Variants in ADAD1 observed in about 807,000 individuals in gnomAD.
ADAD1 encodes the protein adenosine deaminase domain-containing protein 1.
In ADAD1, 46 loss-of-function variants were observed where a neutral mutation model predicts 66.8. The observed-to-expected ratio is 0.69, with a 90% CI of 0.54 to 0.88. The LOEUF (loss-of-function observed/expected upper bound fraction) is 0.88, where lower values mean the gene tolerates loss of function less well. Among genes scored for constraint, ADAD1 ranks in the 40% least tolerant of loss-of-function variants. ADAD1 has a pLI of 0.00. For missense variants in ADAD1, 617 were observed against 681.8 expected, an observed-to-expected ratio of 0.91 and a Z score of 1.06; for synonymous variants, 248 against 229.4, an observed-to-expected ratio of 1.08 and a Z score of -0.73.
In ADAD1 at chr4:122,396,247, T is replaced by G. The variant is rs1795707680; in HGVS notation, c.599-5T>G. On this transcript the variant is annotated splice_polypyrimidine_tract_variant and splice_region_variant and intron_variant, in intron 6 of 12. Coordinates refer to ENST00000296513, the MANE Select transcript of ADAD1 (RefSeq NM_139243.4). ...CTTGAAATTTATGTTTTGATTTTTT[T>G]CTAGAAGGGAGACATATTCAATATG... 1 of 1,568,458 alleles carries G rather than the reference T, an allele frequency of 6.4e-7. No homozygotes were observed. The highest frequency in any genetic ancestry group is 8.6e-7 in the Non-Finnish European group (1 of 1,162,428).
intron 11 of ADAD1, among the ~76,000 whole-genome samples, chr4:122,418,371 G>A (rs566701789): frequency 1.2e-4 from 17 of 145,734 alleles, no homozygotes; most frequent in South Asian, 4.5e-4. Context: ...GTGCAGTGGC[G>A]CGATATCGGC....
intron 1 of ADAD1, 128 bp downstream of exon 1, chr4:122,379,243 G>A (rs550310901): frequency 1.3e-5 from 2 of 152,640 alleles, no homozygotes; most frequent in Middle Eastern, 3.4e-3. Flanking sequence ...TAAGGGAGGA[G>A]GCTGAACTGC....
At chr4:122,403,402 G>A (rs963448673) in intron 7 of ADAD1, among the ~76,000 whole-genome samples, 1 of 152,206 alleles carries the variant, frequency 6.6e-6, no homozygotes, top group African/African-American at 2.4e-5. Flanking sequence ...TGGCAGGGTA[G>A]CGAAGTGGAC....
intron 7 of ADAD1, among the ~76,000 whole-genome samples, chr4:122,397,778 G>A (rs573765307): frequency 4.6e-5 from 7 of 152,270 alleles, no homozygotes; most frequent in Non-Finnish European, 7.4e-5. Flanking sequence ...TAAAGTTGAC[G>A]TAGGATAATC....
At chr4:122,386,315 CAT>C (rs1426647229) in intron 5 of ADAD1, among the ~76,000 whole-genome samples, 3 of 152,130 alleles carry the variant, frequency 2.0e-5, no homozygotes, top group Non-Finnish European at 2.9e-5. Context: ...TTGCTTTTTT[CAT>C]ATGTTTGTTG....
chr4:122,414,833 T>G (rs2150586888), intron 10 of ADAD1, among the ~76,000 whole-genome samples: 1 of 152,280 alleles, frequency 6.6e-6, no homozygotes, highest in African/African-American at 2.4e-5. Context: ...CTTCAATAAT[T>G]ATTATAACTG....
At position 122,391,350 on chromosome 4, in the gene ADAD1, G is replaced by A. The variant is rs557579872; in HGVS notation, c.530-2239G>A. Reference sequence around the variant, plus strand: ...AATGTCTCACCCAGTTGGGTGGCACGGGGAGCAGGACCCGCTTAACAAGGC... The same window carrying A: ...AATGTCTCACCCAGTTGGGTGGCACAGGGAGCAGGACCCGCTTAACAAGGC... On this transcript the variant is annotated intron_variant, in intron 5 of 12. Transcript: ENST00000296513. Among the ~76,000 whole-genome samples, 5 of 152,306 alleles carry A rather than the reference G, an allele frequency of 3.3e-5. No homozygotes were observed. The East Asian group carries it at 7.7e-4, about 24-fold the overall frequency.
At chr4:122,402,841 A>G (rs1293146755) in intron 7 of ADAD1, among the ~76,000 whole-genome samples, 1 of 152,112 alleles carries the variant, frequency 6.6e-6, no homozygotes, top group Non-Finnish European at 1.5e-5. Flanking sequence ...TCCAGAAGTC[A>G]TGATTTTATT....
chr4:122,427,523 CT>C (rs59864757), intron 12 of ADAD1, among the ~76,000 whole-genome samples: 13 of 71,976 alleles, frequency 1.8e-4, no homozygotes, highest in African/African-American at 6.8e-4. Flanking sequence ...ATCCAAAGGC[CT>C]TTTTTTTTTT....
At chr4:122,425,803 C>T (rs906048544) in intron 12 of ADAD1, among the ~76,000 whole-genome samples, 1 of 151,736 alleles carries the variant, frequency 6.6e-6, no homozygotes, top group Admixed American at 6.6e-5. Context: ...TTCGGTATTT[C>T]TAGGGGGTCC....
chr4:122,424,198 T>C (rs898204094), intron 12 of ADAD1, among the ~76,000 whole-genome samples: 6 of 152,168 alleles, frequency 3.9e-5, no homozygotes, highest in Non-Finnish European at 7.4e-5. Context: ...TTAGCAGTAC[T>C]TCCCTAAATG....
chr4:122,394,050 G>A (rs993801420), intron 6 of ADAD1, among the ~76,000 whole-genome samples: 1 of 152,106 alleles, frequency 6.6e-6, no homozygotes, highest in Non-Finnish European at 1.5e-5. Flanking sequence ...TCAAGCCCGA[G>A]AAAGCTGCAA....
At chr4:122,379,571 G>A (rs1794776006) in intron 2 of ADAD1, 126 bp downstream of exon 2, 2 of 155,022 alleles carry the variant, frequency 1.3e-5, no homozygotes, top group Admixed American at 6.3e-5. Context: ...TGAAGCGAGA[G>A]GTTGAGGCTG....
chr4:122,416,527 G>T (rs982925938), intron 11 of ADAD1, among the ~76,000 whole-genome samples: 1 of 152,026 alleles, frequency 6.6e-6, no homozygotes, highest in Admixed American at 6.6e-5. Context: ...AAGAGTTCAA[G>T]ACCAATCTGG....
chr4:122,380,818 G>T (rs1794857675), intron 3 of ADAD1, among the ~76,000 whole-genome samples, 174 bp from the exon 4 acceptor site: 1 of 152,174 alleles, frequency 6.6e-6, no homozygotes, highest in Non-Finnish European at 1.5e-5. Context: ...CTCGATAGAT[G>T]CAATAACATG....
chr4:122,414,348 C>G (rs1796630278), intron 10 of ADAD1, among the ~76,000 whole-genome samples: 1 of 149,234 alleles, frequency 6.7e-6, no homozygotes, highest in Admixed American at 6.7e-5. Context: ...TTTAAAAATC[C>G]TTATTATCTA....
In ADAD1 at chr4:122,383,971, A is replaced by G. The variant is rs751234481; in HGVS notation, c.529+5A>G. The G allele has an allele frequency of 1.3e-6, 2 of 1,599,426 alleles. No individual in the cohort carries two copies. Among genetic ancestry groups the G allele is most frequent in the African/African-American group, 2.7e-5 (2 of 74,028 alleles). On this transcript the variant is annotated splice_donor_5th_base_variant and intron_variant, in intron 5 of 12. Transcript: ENST00000296513. ...CACGAATTTTAGAAACATCAGGTAA[A>G]TACTCTTGATTATAAAGTATTTATA...
At chr4:122,387,926 A>AT (rs1390981527) in intron 5 of ADAD1, among the ~76,000 whole-genome samples, 1 of 151,500 alleles carries the variant, frequency 6.6e-6, no homozygotes, top group African/African-American at 2.4e-5. Flanking sequence ...CACCCAGCTA[A>AT]TTTTTTGTAT....
rs1795292034 is a variant in ADAD1 at position 122,388,659 on chromosome 4, G to A, written c.529+4693G>A. Among the ~76,000 whole-genome samples, 7 of 152,140 alleles carry A rather than the reference G, an allele frequency of 4.6e-5. 1 individual carries two copies. The South Asian group carries it at 1.5e-3, about 32-fold the overall frequency. On this transcript the variant is annotated intron_variant, in intron 5 of 12. Transcript: ENST00000296513. ...AGATTTTCTAGTTTATTTGTGTAGAGGTGTTTGTAGCATTCTCTGATGATA... is the reference window on the plus strand; with the variant it reads ...AGATTTTCTAGTTTATTTGTGTAGAAGTGTTTGTAGCATTCTCTGATGATA...
Sources: allele counts gnomAD v4.1 joint callset (sites outside exome capture counted in the v4.1 genomes callset), GRCh38; gene constraint gnomAD v4.1.1; transcripts MANE v1.5; gene names NCBI Gene and HGNC (gene_info 2026-07-23, HGNC 2026-07-21).